The following FAM53B variants were observed in gnomAD, a reference collection of about 807,000 sequenced individuals.
FAM53B encodes the protein protein FAM53B.
FAM53B carries 12 observed loss-of-function variants against 32.7 expected under a neutral mutation model. That is an observed-to-expected ratio of 0.37 (90% CI 0.24 to 0.59). FAM53B has a LOEUF of 0.59. Ranked by LOEUF, FAM53B falls within the 20% of genes least tolerant of loss-of-function variation. The probability of loss-of-function intolerance (pLI) is 0.72; values close to 1 mark genes in which losing one functional copy is unlikely to be tolerated. For synonymous variants in FAM53B, 234 were observed against 228.7 expected (o/e 1.02, Z -0.21); for missense variants, 477 against 577.7 (o/e 0.83, Z 1.79).
At chr10:124,741,149 C>T (rs1369362885) in intron 1 of FAM53B, among the ~76,000 whole-genome samples, 1 of 152,100 alleles carries the variant, frequency 6.6e-6, no homozygotes, top group Non-Finnish European at 1.5e-5. Flanking sequence ...CATCGAAAAC[C>T]GAAACTTGTA....
chr10:124,668,445 T>C (rs989637109), intron 4 of FAM53B, among the ~76,000 whole-genome samples: 1 of 152,264 alleles, frequency 6.6e-6, no homozygotes, highest in Non-Finnish European at 1.5e-5. Flanking sequence ...GGAAACTCTC[T>C]AGGTGAATCA....
At chr10:124,674,217 G>A (rs879856226) in intron 4 of FAM53B, among the ~76,000 whole-genome samples, 7 of 152,174 alleles carry the variant, frequency 4.6e-5, no homozygotes, top group Admixed American at 2.0e-4. Flanking sequence ...GCACCTCAGC[G>A]CTGCAGAGAC....
chr10:124,669,429 A>T (rs552118329), intron 4 of FAM53B, among the ~76,000 whole-genome samples: 16 of 152,310 alleles, frequency 1.1e-4, no homozygotes, highest in Non-Finnish European at 1.9e-4. Flanking sequence ...GCCTGCTCAT[A>T]GCTCAAGAAA....
rs762594132 is a variant in FAM53B at position 124,682,019 on chromosome 10, C to T, written c.494G>A (p.Ser165Asn). The T allele has an allele frequency of 6.2e-7, 1 of 1,613,962 alleles. No homozygotes were observed. Among genetic ancestry groups the T allele is most frequent in the East Asian group, 2.2e-5 (1 of 44,876 alleles). Residue 165 changes from serine (S) to asparagine (N), a missense_variant, in exon 4 of 5, where the codon AGT becomes AAT. By Grantham distance (46) the Ser-to-Asn change is conservative. Around this residue, in one of 2 missense-constraint regions of FAM53B, gnomAD observed 312 missense variants for 420.2 expected, o/e 0.74. Transcript: ENST00000337318. This position sits in a 1 kb window ranked among gnomAD's most constrained non-coding sequence, Gnocchi z 5.2. ...CCGGGAAGGGAGGCTGAAGCTGGAACTCCTCTGCATGGTGCTGAAGCCGTT... is the reference window on the plus strand; with the variant it reads ...CCGGGAAGGGAGGCTGAAGCTGGAATTCCTCTGCATGGTGCTGAAGCCGTT... ...YSNGFSTMQRSSSFSLPSRAN... is the reference protein window; with the variant it reads ...YSNGFSTMQRNSSFSLPSRAN...
chr10:124,696,165 T>G lies in FAM53B; in HGVS notation c.126A>C (p.Gly42=). 1 of 1,613,910 alleles carries G rather than the reference T, an allele frequency of 6.2e-7. No individual in the cohort carries two copies. Among genetic ancestry groups the G allele is most frequent in the Non-Finnish European group, 8.5e-7 (1 of 1,179,866 alleles). The change falls in exon 3 of 5, where the codon GGA becomes GGC. Residue 42 remains glycine, a synonymous_variant. Coordinates refer to ENST00000337318, the MANE Select transcript of FAM53B (RefSeq NM_014661.4). The stretch of plus-strand genomic sequence containing the variant: ...ATGGCCTTGAGTACTTACCCATAAT[T>G]CCACAAGAGAAAAGTGTAGGTCCTT... The part of the protein sequence containing the change: ...MSQGPTLFSC[G]IMENDRWRDL...
rs935150776 is a variant in FAM53B at position 124,620,130 on chromosome 10, G to C, written c.*3112C>G. 1 of 152,632 alleles carries C rather than the reference G, an allele frequency of 6.6e-6. No homozygotes were observed. The highest frequency in any genetic ancestry group is 2.4e-5 in the African/African-American group (1 of 41,468). 9.5% of individuals were successfully genotyped at this position (152,632 alleles called of 1,614,324 possible). A position where few individuals can be genotyped will look rare whatever the true frequency, so the allele number is the denominator to read the frequency against. ...CTGGCTACAAAAATTTGGTTGAAAA[G>C]TAAGGCTTTCTGAGAATGAAAATCT... On this transcript the variant is annotated 3_prime_UTR_variant, in exon 5 of 5. Transcript: ENST00000337318.
chr10:124,679,295 C>G (rs1463236227), intron 4 of FAM53B, among the ~76,000 whole-genome samples: 1 of 152,208 alleles, frequency 6.6e-6, no homozygotes, highest in Non-Finnish European at 1.5e-5. Context: ...CACGCAGAGG[C>G]TGGGGTCTGT....
intron 4 of FAM53B, among the ~76,000 whole-genome samples, chr10:124,645,140 G>A (rs1321782689): frequency 6.6e-6 from 1 of 152,204 alleles, no homozygotes; most frequent in Non-Finnish European, 1.5e-5. Context: ...TGGAGCCCTC[G>A]GCATAGGATG....
At chr10:124,702,170 C>T (rs1949918527) in intron 2 of FAM53B, among the ~76,000 whole-genome samples, 1 of 152,236 alleles carries the variant, frequency 6.6e-6, no homozygotes, top group Non-Finnish European at 1.5e-5. Context: ...CCAAAGTGGC[C>T]TATGCTGATA....
intron 1 of FAM53B, among the ~76,000 whole-genome samples, 153 bp from the exon 2 acceptor site, chr10:124,707,040 T>C (rs1370739223): frequency 2.6e-5 from 4 of 151,792 alleles, no homozygotes; most frequent in African/African-American, 9.7e-5. Flanking sequence ...AGGCCCAGAG[T>C]TACCTTCTCA....
chr10:124,701,406 C>T (rs1949914213), intron 2 of FAM53B, among the ~76,000 whole-genome samples: 1 of 152,272 alleles, frequency 6.6e-6, no homozygotes, highest in South Asian at 2.1e-4. Context: ...CGTGGAAAGT[C>T]AGGCAGCCTG....
At position 124,654,731 on chromosome 10, in the gene FAM53B, G is replaced by T. The variant is rs144816130; in HGVS notation, c.906+26876C>A. On this transcript the variant is annotated intron_variant, in intron 4 of 4. Transcript: ENST00000337318. Reference sequence around the variant, plus strand: ...GGACATGAGTGGTGTTGTGGGTAGGGCTGTAGGTGTTTGGCCTTCCTGAGG... The same window carrying T: ...GGACATGAGTGGTGTTGTGGGTAGGTCTGTAGGTGTTTGGCCTTCCTGAGG... 5.9e-5 allele frequency among the ~76,000 whole-genome samples: 9 copies of T among 152,286 alleles called. No individual in the cohort carries two copies. In the South Asian group the frequency reaches 1.9e-3, roughly 32 times the overall value.
At chr10:124,727,751 A>C (rs1162804122) in intron 1 of FAM53B, among the ~76,000 whole-genome samples, 2 of 152,082 alleles carry the variant, frequency 1.3e-5, no homozygotes, top group Admixed American at 1.3e-4. Flanking sequence ...ATAGGAACCG[A>C]GATGATGTGC....
In FAM53B at chr10:124,623,533, G is replaced by A. The variant is rs542639344; in HGVS notation, c.978C>T (p.Phe326=). 63 of 1,557,286 alleles carry A rather than the reference G, an allele frequency of 4.0e-5. No homozygotes were observed. The highest frequency in any genetic ancestry group is 3.0e-4 in the African/African-American group (22 of 73,724). The change falls in exon 5 of 5, where the codon TTC becomes TTT. Residue 326 remains phenylalanine, a synonymous_variant. Transcript: ENST00000337318. ...CCCTGGTGTTGCTGACGTGGCGGGC[G>A]AAGGGGCTCTGGGGACCGCAGTCCT... ...GTEDCGPQSP[F]ARHVSNTRAW...
intron 4 of FAM53B, among the ~76,000 whole-genome samples, chr10:124,636,656 T>C (rs572607820): frequency 1.4e-5 from 2 of 146,818 alleles, no homozygotes; most frequent in African/African-American, 2.5e-5. Flanking sequence ...GAGGCCCACG[T>C]TGGCCACTGG....
At chr10:124,668,187 G>A (rs1465752033) in intron 4 of FAM53B, among the ~76,000 whole-genome samples, 4 of 152,224 alleles carry the variant, frequency 2.6e-5, no homozygotes, top group Non-Finnish European at 4.4e-5. Context: ...CACCATTTCA[G>A]ATGAGATATT....
intron 2 of FAM53B, chr10:124,704,190 C>T (rs1359973397): frequency 1.3e-5 from 2 of 152,326 alleles, no homozygotes; most frequent in Non-Finnish European, 2.9e-5. Context: ...CCCACTCAGT[C>T]GTGAACTGGA....
chr10:124,660,830 A>C (rs951787612), intron 4 of FAM53B, among the ~76,000 whole-genome samples: 1 of 152,172 alleles, frequency 6.6e-6, no homozygotes, highest in African/African-American at 2.4e-5. Context: ...CAGCCCTGCC[A>C]CTACACAACC....
chr10:124,714,168 T>G (rs1312257599), intron 1 of FAM53B: 3 of 152,058 alleles, frequency 2.0e-5, no homozygotes, highest in Non-Finnish European at 2.9e-5. Context: ...TTTAATCTGC[T>G]TGGGGACGCT....
Sources: allele counts gnomAD v4.1 joint callset (sites outside exome capture counted in the v4.1 genomes callset), GRCh38; gene constraint gnomAD v4.1.1; regional missense constraint gnomAD v4.1.1; non-coding constraint Gnocchi (gnomAD v3.1); transcripts MANE v1.5; gene names NCBI Gene and HGNC (gene_info 2026-07-23, HGNC 2026-07-21).